The following TBC1D1 variants were observed in gnomAD, a reference collection of about 807,000 sequenced individuals.
TBC1D1 encodes TBC1 domain family member 1.
Under a neutral mutation model 125.6 loss-of-function variants are expected in TBC1D1, and 89 were observed. The ratio of observed to expected loss-of-function variants is 0.71; its 90% CI spans 0.60 to 0.85. TBC1D1 has a LOEUF of 0.85. Ranked by LOEUF, TBC1D1 falls within the 40% of genes least tolerant of loss-of-function variation. The pLI is 0.00. For missense variants in TBC1D1, 1,377 were observed against 1,469.2 expected, an observed-to-expected ratio of 0.94 and a Z score of 1.03; for synonymous variants, 565 against 564.1, an observed-to-expected ratio of 1.00 and a Z score of -0.02.
chr4:37,975,191 T>C (rs924289172), intron 2 of TBC1D1, among the ~76,000 whole-genome samples: 2 of 152,006 alleles, frequency 1.3e-5, no homozygotes, highest in African/African-American at 4.8e-5. Context: ...GTCACATGGG[T>C]CACGTGTCCA....
At chr4:37,928,598 C>T (rs1257879793) in intron 2 of TBC1D1, among the ~76,000 whole-genome samples, 1 of 152,106 alleles carries the variant, frequency 6.6e-6, no homozygotes, top group Non-Finnish European at 1.5e-5. Flanking sequence ...CGCAGCCAGC[C>T]CTTGCAGTGG....
At chr4:37,967,410 G>A (rs1018033164) in intron 2 of TBC1D1, among the ~76,000 whole-genome samples, 2 of 151,662 alleles carry the variant, frequency 1.3e-5, no homozygotes, top group African/African-American at 2.4e-5. Context: ...CAGGAGAATC[G>A]CTTGAGCCTG....
chr4:37,949,030 A>G (rs750045105), intron 2 of TBC1D1, among the ~76,000 whole-genome samples: 25 of 152,198 alleles, frequency 1.6e-4, no homozygotes, highest in Non-Finnish European at 2.9e-4. Context: ...GTTGATGGCC[A>G]TGGGTTGCTT....
chr4:38,073,814 TAGG>T (rs1342611801), intron 12 of TBC1D1, among the ~76,000 whole-genome samples: 1 of 152,140 alleles, frequency 6.6e-6, no homozygotes, highest in Non-Finnish European at 1.5e-5. Context: ...CCATTCCTAA[TAGG>T]GGTCTGAAGG....
intron 2 of TBC1D1, among the ~76,000 whole-genome samples, chr4:37,907,830 C>T (rs1458273454): frequency 6.6e-6 from 1 of 152,190 alleles, no homozygotes; most frequent in Non-Finnish European, 1.5e-5. Flanking sequence ...TCCAGTTCTT[C>T]AGCCTTGTCT....
chr4:37,956,244 C>G (rs1728913334), intron 2 of TBC1D1, among the ~76,000 whole-genome samples: 1 of 152,048 alleles, frequency 6.6e-6, no homozygotes, highest in South Asian at 2.1e-4. Context: ...GTCTCGAACT[C>G]CTGGACTTCA....
At chr4:37,907,601 G>A (rs1280709455) in intron 2 of TBC1D1, among the ~76,000 whole-genome samples, 1 of 152,134 alleles carries the variant, frequency 6.6e-6, no homozygotes, top group African/African-American at 2.4e-5. Context: ...TGAACACAGT[G>A]GCATAAGGTC....
chr4:37,902,355 C>T lies in TBC1D1; in HGVS notation c.260C>T (p.Pro87Leu). 1.2e-6 allele frequency: 2 copies of T among 1,614,120 alleles called. No homozygotes were observed. The highest frequency in any genetic ancestry group is 8.5e-7 in the Non-Finnish European group (1 of 1,180,032). ...CCAGGGAGAAGTCAACAGTGGGATC[C>T]CCTGATCTATTCCAGCATCTTTGAG... The change falls in exon 2 of 20, where the codon CCC becomes CTC. Residue 87 changes from proline (P) to leucine (L), a missense_variant. Coordinates refer to ENST00000261439, the MANE Select transcript of TBC1D1 (RefSeq NM_015173.4).
intron 13 of TBC1D1, among the ~76,000 whole-genome samples, chr4:38,094,921 A>T (rs1406222953): frequency 4.6e-5 from 7 of 152,104 alleles, no homozygotes; most frequent in Admixed American, 2.6e-4. Flanking sequence ...TGACATTTTT[A>T]AAAATTTTTT....
At chr4:38,022,882 A>G (rs577615854) in intron 6 of TBC1D1, among the ~76,000 whole-genome samples, 4 of 152,312 alleles carry the variant, frequency 2.6e-5, no homozygotes, top group Non-Finnish European at 5.9e-5. Flanking sequence ...CACATGATTT[A>G]AACAACCCAT....
chr4:37,898,996 A>G (rs922965538), intron 1 of TBC1D1, among the ~76,000 whole-genome samples: 8 of 152,216 alleles, frequency 5.3e-5, no homozygotes, highest in Non-Finnish European at 1.0e-4. Context: ...GAGAGACCTT[A>G]TATGCCAGGT....
rs1352313120 is a variant in TBC1D1 at position 38,089,968 on chromosome 4, C to G, written c.2087C>G (p.Pro696Arg). Residue 696 changes from proline to arginine, a missense_variant, in exon 13 of 20, where the codon CCT becomes CGT. Physicochemically the swap from Pro to Arg is moderately radical, Grantham distance 103. Transcript: ENST00000261439. ...CTGGGAGAGCTTCCCCCACGATCTC[C>G]TTTAGAACCAGTTTGTGAAGATGGG... The G allele has an allele frequency of 3.1e-6, 5 of 1,613,126 alleles. No homozygotes were observed. Among genetic ancestry groups the G allele is most frequent in the Non-Finnish European group, 4.2e-6 (5 of 1,179,728 alleles).
Position 37,908,695 on chromosome 4 carries a change from T to C in TBC1D1, c.417+6183T>C, listed in dbSNP as rs561628385. Among the ~76,000 whole-genome samples the C allele has an allele frequency of 1.7e-3, 260 of 152,198 alleles. 3 individuals carry two copies. Among genetic ancestry groups the C allele is most frequent in the African/African-American group, 6.0e-3 (249 of 41,534 alleles). ...TGTGAAAATGCTCGCAGCCTTCCCC[T>C]TTTCCACCCTGCTAAAAGAATCTGG... is the stretch of plus-strand genomic sequence containing the variant. On this transcript the variant is annotated intron_variant, in intron 2 of 19. Transcript: ENST00000261439.
chr4:38,110,097 C>A, intron 15 of TBC1D1: 1 of 538,526 alleles, frequency 1.9e-6, no homozygotes, highest in Non-Finnish European at 2.4e-6. Context: ...CCCGTGTTTG[C>A]TGCAAGAGAC....
intron 2 of TBC1D1, among the ~76,000 whole-genome samples, chr4:37,980,662 T>G (rs576742492): frequency 1.3e-5 from 2 of 152,364 alleles, no homozygotes; most frequent in African/African-American, 4.8e-5. Flanking sequence ...TAGCCAAGTT[T>G]GCTGTGTTTC....
chr4:37,935,379 G>A (rs1219320733), intron 2 of TBC1D1, among the ~76,000 whole-genome samples: 18 of 152,092 alleles, frequency 1.2e-4, no homozygotes, highest in Admixed American at 1.2e-3. Context: ...TCAACATTTT[G>A]TTTCTTTTTG....
chr4:37,935,650 G>A (rs1724232676), intron 2 of TBC1D1, among the ~76,000 whole-genome samples: 1 of 152,172 alleles, frequency 6.6e-6, no homozygotes, highest in Non-Finnish European at 1.5e-5. Context: ...AGCGTCCAGA[G>A]CGATCTTTCT....
At chr4:38,007,034 C>T (rs1300356995) in intron 2 of TBC1D1, 2 of 394,826 alleles carry the variant, frequency 5.1e-6, no homozygotes, top group East Asian at 7.3e-5. Context: ...AATCAGTCGG[C>T]CTGGCGACTT....
At chr4:37,894,394 T>A (rs900086859) in intron 1 of TBC1D1, among the ~76,000 whole-genome samples, 2 of 152,202 alleles carry the variant, frequency 1.3e-5, no homozygotes, top group African/African-American at 4.8e-5. Flanking sequence ...GTGTCATATT[T>A]GGGCCAACTG....
Sources: gnomAD v4.1 joint callset for allele counts (sites outside exome capture counted in the v4.1 genomes callset) on GRCh38, gnomAD v4.1.1 for gene constraint, MANE v1.5 for transcripts, NCBI Gene and HGNC (gene_info 2026-07-23, HGNC 2026-07-21) for gene names.